Variants in WWOX observed in about 807,000 individuals in gnomAD.
WWOX encodes the protein WW domain containing oxidoreductase, also known as WW domain-containing oxidoreductase.
A neutral mutation model predicts 46.2 loss-of-function variants in WWOX; 69 were observed. The observed-to-expected ratio is 1.49, with a 90% CI of 1.23 to 1.82. WWOX has a LOEUF of 1.82. Ranked by LOEUF, WWOX falls within the 40% of genes most tolerant of loss-of-function variation. The probability of loss-of-function intolerance (pLI) is 0.00; values close to 1 mark genes in which losing one functional copy is unlikely to be tolerated. For synonymous variants in WWOX, 359 were observed against 202.6 expected, an observed-to-expected ratio of 1.77 and a Z score of -6.56; for missense variants, 919 against 542.6, an observed-to-expected ratio of 1.69 and a Z score of -6.89.
At chr16:78,763,202 A>T (rs997674476) in intron 8 of WWOX, among the ~76,000 whole-genome samples, 1 of 152,216 alleles carries the variant, frequency 6.6e-6, no homozygotes, top group African/African-American at 2.4e-5. Flanking sequence ...GTATGGCTTG[A>T]TCTGTGTTTA....
In WWOX at chr16:78,518,999, A is replaced by C. The variant is rs182471914; in HGVS notation, c.1056+86247A>C. On this transcript the variant is annotated intron_variant, in intron 8 of 8. Transcript: ENST00000566780. ...TTACTGTCTTCTGAGCTGATTTCTCACCTACTGGCAAGTGGATAGGTCTAG... is the reference window on the plus strand; with the variant it reads ...TTACTGTCTTCTGAGCTGATTTCTCCCCTACTGGCAAGTGGATAGGTCTAG... 3.3e-3 allele frequency among the ~76,000 whole-genome samples: 500 copies of C among 152,310 alleles called. 2 individuals carry two copies. The highest frequency in any genetic ancestry group is 5.4e-3 in the Non-Finnish European group (369 of 68,034).
At chr16:78,609,725 T>C (rs1482129774) in intron 8 of WWOX, among the ~76,000 whole-genome samples, 3 of 152,208 alleles carry the variant, frequency 2.0e-5, no homozygotes, top group Admixed American at 6.5e-5. Flanking sequence ...ATCAAAAATA[T>C]AGTTTCGTTT....
At chr16:78,341,810 T>C (rs1270826097) in intron 5 of WWOX, among the ~76,000 whole-genome samples, 1 of 120,750 alleles carries the variant, frequency 8.3e-6, no homozygotes, top group East Asian at 1.9e-4. Context: ...CTCCACAATC[T>C]AGAGGAATAT....
intron 8 of WWOX, among the ~76,000 whole-genome samples, chr16:79,180,428 C>T (rs2050887353): frequency 6.6e-6 from 1 of 152,140 alleles, no homozygotes; most frequent in African/African-American, 2.4e-5. Context: ...GGGTTTCACC[C>T]ATTATAAAAT....
chr16:78,671,810 AG>A (rs2047471987), intron 8 of WWOX, among the ~76,000 whole-genome samples: 1 of 152,236 alleles, frequency 6.6e-6, no homozygotes, highest in African/African-American at 2.4e-5. Context: ...GCTAATAAAA[AG>A]GGATCAAGAT....
chr16:79,091,938 G>A (rs574501568), intron 8 of WWOX, among the ~76,000 whole-genome samples: 2 of 151,848 alleles, frequency 1.3e-5, no homozygotes, highest in East Asian at 1.9e-4. Flanking sequence ...ATGCCACCAC[G>A]CCCAGCTAAT....
At chr16:78,323,829 G>A (rs545743860) in intron 5 of WWOX, among the ~76,000 whole-genome samples, 1 of 152,204 alleles carries the variant, frequency 6.6e-6, no homozygotes, top group East Asian at 1.9e-4. Context: ...AGCTTTTTGA[G>A]CCTAAAACTG....
chr16:78,474,001 C>T (rs953061572), intron 8 of WWOX, among the ~76,000 whole-genome samples: 1 of 152,110 alleles, frequency 6.6e-6, no homozygotes, highest in African/African-American at 2.4e-5. Context: ...CATAAAGTTA[C>T]CTATCAGGAC....
intron 8 of WWOX, among the ~76,000 whole-genome samples, chr16:78,940,330 A>T (rs907223305): frequency 6.6e-6 from 1 of 152,204 alleles, no homozygotes; most frequent in African/African-American, 2.4e-5. Flanking sequence ...TGCTCGCTAT[A>T]GAAGAAGAAA....
At chr16:78,867,085 C>T (rs761897579) in intron 8 of WWOX, among the ~76,000 whole-genome samples, 1 of 152,238 alleles carries the variant, frequency 6.6e-6, no homozygotes, top group East Asian at 1.9e-4. Context: ...TGGAGAAGGG[C>T]GCCTTCTGTT....
chr16:78,578,521 C>G (rs2044963370), intron 8 of WWOX, among the ~76,000 whole-genome samples: 1 of 151,524 alleles, frequency 6.6e-6, no homozygotes, highest in African/African-American at 2.4e-5. Context: ...ATCTCCTGGC[C>G]TCGTGATTCA....
At chr16:78,245,460 A>T (rs1005179683) in intron 5 of WWOX, among the ~76,000 whole-genome samples, 3 of 152,190 alleles carry the variant, frequency 2.0e-5, no homozygotes, top group Non-Finnish European at 4.4e-5. Flanking sequence ...ATACATATTA[A>T]CTTGGGCCAG....
rs544040199 is a variant in WWOX, at chr16:78,482,494, A to G, written c.1056+49742A>G. ...TGCCTTGGCCTCCGAAAGTGCTGGG[A>G]TGACAGGCGTGAGCTGCCTTGCCTA... On this transcript the variant is annotated intron_variant, in intron 8 of 8. Coordinates refer to ENST00000566780, the MANE Select transcript of WWOX (RefSeq NM_016373.4). Among the ~76,000 whole-genome samples, 330 of 152,284 alleles carry G rather than the reference A, an allele frequency of 2.2e-3. 1 individual carries two copies. The highest frequency in any genetic ancestry group is 3.5e-3 in the Admixed American group (53 of 15,296).
intron 8 of WWOX, among the ~76,000 whole-genome samples, chr16:79,121,951 C>A (rs1397902926): frequency 6.6e-6 from 1 of 152,100 alleles, no homozygotes; most frequent in African/African-American, 2.4e-5. Flanking sequence ...GAACAAAACC[C>A]TACTTACGTG....
intron 8 of WWOX, among the ~76,000 whole-genome samples, chr16:78,785,714 G>C (rs2050438977): frequency 6.6e-6 from 1 of 152,156 alleles, no homozygotes; most frequent in South Asian, 2.1e-4. Context: ...AATATTGGTT[G>C]ATATTTTCAT....
chr16:78,376,663 A>G (rs1270252336), intron 5 of WWOX, among the ~76,000 whole-genome samples: 2 of 152,186 alleles, frequency 1.3e-5, no homozygotes, highest in Non-Finnish European at 2.9e-5. Flanking sequence ...GATATTGAGT[A>G]GCATCCCTGA....
chr16:78,333,898 G>C (rs1234288290), intron 5 of WWOX, among the ~76,000 whole-genome samples: 1 of 151,992 alleles, frequency 6.6e-6, no homozygotes, highest in Non-Finnish European at 1.5e-5. Flanking sequence ...AGTGAGAGCA[G>C]AAAAGGTATC....
chr16:79,097,105 C>T (rs745605423), intron 8 of WWOX, among the ~76,000 whole-genome samples: 1 of 151,934 alleles, frequency 6.6e-6, no homozygotes, highest in Non-Finnish European at 1.5e-5. Context: ...TACTTGCTTC[C>T]ATCATACCCT....
chr16:78,516,972 T>C (rs577868977), intron 8 of WWOX, among the ~76,000 whole-genome samples: 1 of 152,338 alleles, frequency 6.6e-6, no homozygotes, highest in African/African-American at 2.4e-5. Flanking sequence ...TCCCGAGAAA[T>C]CATTTTTCCT....
Sources: gnomAD v4.1 joint callset for allele counts (sites outside exome capture counted in the v4.1 genomes callset) on GRCh38, gnomAD v4.1.1 for gene constraint, MANE v1.5 for transcripts, NCBI Gene and HGNC (gene_info 2026-07-23, HGNC 2026-07-21) for gene names.